The following ZNF716 variants were observed in gnomAD, a reference collection of about 807,000 sequenced individuals.
ZNF716 encodes the protein zinc finger protein 716.
In ZNF716, 9 loss-of-function variants were observed where a neutral mutation model predicts 13.4. The ratio of observed to expected loss-of-function variants is 0.67; its 90% confidence interval spans 0.41 to 1.18. The LOEUF (loss-of-function observed/expected upper bound fraction) is 1.18, where lower values mean the gene tolerates loss of function less well. Among genes scored for constraint, ZNF716 ranks in the 50% most tolerant of loss-of-function variants. The probability of loss-of-function intolerance (pLI) is 0.01; values close to 1 mark genes in which losing one functional copy is unlikely to be tolerated. For missense variants in ZNF716, 581 were observed against 576.6 expected, an observed-to-expected ratio of 1.01 and a Z score of -0.08; for synonymous variants, 186 against 195.2, an observed-to-expected ratio of 0.95 and a Z score of 0.39.
At chr7:57,463,014 G>A (rs1789735888) in intron 2 of ZNF716, 59 bp from the exon 3 acceptor site, 1 of 1,589,872 alleles carries the variant, frequency 6.3e-7, no homozygotes, top group Non-Finnish European at 8.5e-7. Context: ...CATAATACTT[G>A]TTTGGTAATT....
At chr7:57,464,414 C>G (rs1452542102) in intron 3 of ZNF716, among the ~76,000 whole-genome samples, 7 of 152,014 alleles carry the variant, frequency 4.6e-5, no homozygotes, top group Admixed American at 4.6e-4. Context: ...AGCCACTGCA[C>G]CCGGCTCACT....
intron 3 of ZNF716, among the ~76,000 whole-genome samples, chr7:57,466,998 G>A (rs146286818): frequency 1.2e-3 from 177 of 151,760 alleles, no homozygotes; most frequent in African/African-American, 3.9e-3. Flanking sequence ...CAATAATATC[G>A]ATATTTGTCT....
intron 1 of ZNF716, among the ~76,000 whole-genome samples, chr7:57,457,863 T>A (rs1394058947): frequency 1.3e-5 from 2 of 152,210 alleles, no homozygotes; most frequent in African/African-American, 4.8e-5. Context: ...TTTGTCCACA[T>A]GTTCTCATTA....
intron 1 of ZNF716, among the ~76,000 whole-genome samples, chr7:57,460,101 A>G (rs1789680055): frequency 6.6e-6 from 1 of 152,134 alleles, no homozygotes; most frequent in African/African-American, 2.4e-5. Context: ...CAAGAGCAGC[A>G]TTCAGGCCGG....
Position 57,469,301 on chromosome 7 carries a change from C to T in ZNF716, c.840C>T (p.Arg280=), listed in dbSNP as rs1789875856. 1.3e-6 allele frequency: 2 copies of T among 1,588,594 alleles called. No homozygotes were observed. Among genetic ancestry groups the T allele is most frequent in the Non-Finnish European group, 8.6e-7 (1 of 1,165,514 alleles). The change falls in exon 4 of 4, where the codon CGC becomes CGT. Residue 280 remains arginine (R), a synonymous_variant. Transcript: ENST00000420713. ...AAGAACGTGGCAAAGTCTTTAGCCG[C>T]TCAACACTTACTAACTACAAGAGAA... ...TCEERGKVFS[R]STLTNYKRIH...
intron 1 of ZNF716, among the ~76,000 whole-genome samples, chr7:57,460,394 CAAAA>C (rs71565809): frequency 1.2e-5 from 1 of 85,496 alleles, no homozygotes; most frequent in Non-Finnish European, 2.2e-5. Flanking sequence ...GACTGTGTCT[CAAAA>C]AAAAAAAAAA....
chr7:57,467,342 T>C (rs1228163580), intron 3 of ZNF716, among the ~76,000 whole-genome samples: 1 of 127,856 alleles, frequency 7.8e-6, no homozygotes, highest in Non-Finnish European at 1.7e-5. Context: ...AGTTATGTAT[T>C]TTTTTCATCA....
Position 57,450,235 on chromosome 7 carries a change from G to A in ZNF716, c.-54G>A, listed in dbSNP as rs375359103. On this transcript the variant is annotated 5_prime_UTR_variant, in exon 1 of 4. Transcript: ENST00000420713. ...TTCTCTTCACTGCTCTGCGTCCTCT[G>A]CTCCTGGAGGCCAAGCCTCTGTGGC... 3,978 of 1,612,488 alleles carry A rather than the reference G, an allele frequency of 2.5e-3. 11 individuals are homozygous for A. Among genetic ancestry groups the A allele is most frequent in the Non-Finnish European group, 2.8e-3 (3,295 of 1,179,008 alleles).
In ZNF716 at chr7:57,469,752, A is replaced by G. The variant is rs551632870; in HGVS notation, c.1291A>G (p.Thr431Ala). ...STLKKHKIIH[T>A]GEKLYKCKEC... is the part of the protein sequence containing the mutation. ...CCTTAAGAAACATAAGATAATTCAT[A>G]CTGGAGAGAAACTCTACAAATGTAA... Residue 431 changes from threonine (T) to alanine (A), a missense_variant, in exon 4 of 4, where the codon ACT becomes GCT. By Grantham distance (58) the Thr-to-Ala change is moderately conservative. Coordinates refer to ENST00000420713, the MANE Select transcript of ZNF716 (RefSeq NM_001159279.1). 6.2e-7 allele frequency: 1 copy of G among 1,611,848 alleles called. No homozygotes were observed. Among genetic ancestry groups the G allele is most frequent in the African/African-American group, 1.3e-5 (1 of 74,912 alleles).
chr7:57,470,459 A>G lies in ZNF716; in HGVS notation c.*510A>G, dbSNP rs1278654712. ...AGAATTTATATTAGAGAGACTCTAC[A>G]AAGGTCAAAAATGTGACAAAACATT... On this transcript the variant is annotated 3_prime_UTR_variant, in exon 4 of 4. Transcript: ENST00000420713. The G allele has an allele frequency of 6.5e-6, 1 of 154,944 alleles. No individual in the cohort carries two copies. The highest frequency in any genetic ancestry group is 2.4e-5 in the African/African-American group (1 of 41,440). 9.6% of individuals were successfully genotyped at this position (154,944 alleles called of 1,614,324 possible). A position where few individuals can be genotyped will look rare whatever the true frequency, so the allele number is the denominator to read the frequency against.
chr7:57,468,334 G>A (rs1224708363), intron 3 of ZNF716, among the ~76,000 whole-genome samples: 1 of 152,094 alleles, frequency 6.6e-6, no homozygotes, highest in Non-Finnish European at 1.5e-5. Flanking sequence ...AAGAGAGAAA[G>A]GCTCCCATAA....
chr7:57,465,116 G>T (rs1212376023), intron 3 of ZNF716, among the ~76,000 whole-genome samples: 3 of 152,068 alleles, frequency 2.0e-5, no homozygotes, highest in African/African-American at 7.2e-5. Context: ...TTTTGATACA[G>T]ATTATATTAA....
In ZNF716 at chr7:57,473,250, G is replaced by C. The variant is rs1458048923; in HGVS notation, c.*3301G>C. On this transcript the variant is annotated 3_prime_UTR_variant, in exon 4 of 4. Transcript: ENST00000420713. Reference sequence around the variant, plus strand: ...AATATATTACTCTAAAGATATACCAGCCGAGCACAGTGGCTCCCAGCATTT... The same window carrying C: ...AATATATTACTCTAAAGATATACCACCCGAGCACAGTGGCTCCCAGCATTT... 27 of 152,086 alleles carry C rather than the reference G, an allele frequency of 1.8e-4. No homozygotes were observed. Among genetic ancestry groups the C allele is most frequent in the African/African-American group, 6.3e-4 (26 of 41,414 alleles). The allele number at this position is 152,086 out of a possible 1,614,324, so 9.4% of individuals were successfully genotyped here.
intron 1 of ZNF716, 98 bp from the exon 2 acceptor site, chr7:57,462,362 T>C (rs782049748): frequency 7.1e-7 from 1 of 1,404,456 alleles, no homozygotes. Flanking sequence ...TACTCTCTTA[T>C]TTAACATGAG....
At chr7:57,451,542 G>T (rs1173383514) in intron 1 of ZNF716, among the ~76,000 whole-genome samples, 1 of 147,670 alleles carries the variant, frequency 6.8e-6, no homozygotes, top group Admixed American at 6.9e-5. Context: ...CCGCCTCCTG[G>T]GTTCAAGTGA....
chr7:57,463,007 A>G (rs1789735833), intron 2 of ZNF716, 66 bp from the exon 3 acceptor site: 2 of 1,582,432 alleles, frequency 1.3e-6, no homozygotes, highest in South Asian at 1.1e-5. Flanking sequence ...TACTAAGCAT[A>G]ATACTTGTTT....
chr7:57,461,107 TA>T (rs880000725), intron 1 of ZNF716, among the ~76,000 whole-genome samples: 193 of 118,238 alleles, frequency 1.6e-3, no homozygotes, highest in Middle Eastern at 4.3e-3. Flanking sequence ...TTGTCTCTGC[TA>T]AAAAAAAAAA....
At chr7:57,454,523 T>A (rs1789552853) in intron 1 of ZNF716, among the ~76,000 whole-genome samples, 1 of 152,134 alleles carries the variant, frequency 6.6e-6, no homozygotes, top group Non-Finnish European at 1.5e-5. Flanking sequence ...TCCCTGCAGA[T>A]GTCCCAGCCT....
rs146728379 is a variant in ZNF716 at position 57,464,287 on chromosome 7, A to G, written c.262+1119A>G. ...CAGGGATGTGCCACCATGTGCAGCT[A>G]ATTTTGTATTTTTTGTAGAGATGGA... is the stretch of plus-strand genomic sequence containing the variant. On this transcript the variant is annotated intron_variant, in intron 3 of 3. Coordinates refer to ENST00000420713, the MANE Select transcript of ZNF716 (RefSeq NM_001159279.1). 6.1e-3 allele frequency among the ~76,000 whole-genome samples: 922 copies of G among 151,748 alleles called. 7 individuals are homozygous for G. The highest frequency in any genetic ancestry group is 0.02 in the African/African-American group (829 of 41,388).
Sources: allele counts gnomAD v4.1 joint callset (sites outside exome capture counted in the v4.1 genomes callset), GRCh38; gene constraint gnomAD v4.1.1; transcripts MANE v1.5; gene names NCBI Gene and HGNC (gene_info 2026-07-23, HGNC 2026-07-21).